LRRFIP1: variants seen among roughly 807,000 people sequenced by gnomAD.
LRRFIP1 encodes LRR binding FLII interacting protein 1.
LRRFIP1 carries 62 observed loss-of-function variants against 104.4 expected under a neutral mutation model. That is an observed-to-expected ratio of 0.59 (90% CI 0.48 to 0.73). The LOEUF is 0.73. LRRFIP1 is among the 30% of genes least tolerant of loss of function. The pLI, the probability that LRRFIP1 is intolerant of heterozygous loss-of-function variation, is 0.00. For missense variants in LRRFIP1, 796 were observed against 824.5 expected, an observed-to-expected ratio of 0.97 and a Z score of 0.42; for synonymous variants, 300 against 299.0, an observed-to-expected ratio of 1.00 and a Z score of -0.03.
intron 1 of LRRFIP1, among the ~76,000 whole-genome samples, chr2:237,630,015 C>A (rs1047141351): frequency 6.6e-6 from 1 of 152,130 alleles, no homozygotes; most frequent in Non-Finnish European, 1.5e-5. Flanking sequence ...GAAGAAGAAA[C>A]CTCCCCTGGC....
chr2:237,756,479 A>G (rs1334030456), intron 16 of LRRFIP1, among the ~76,000 whole-genome samples: 1 of 152,204 alleles, frequency 6.6e-6, no homozygotes, highest in Admixed American at 6.5e-5. Flanking sequence ...CACTAATCCT[A>G]TTTGATCAGG....
chr2:237,737,531 A>G (rs780935651), intron 10 of LRRFIP1, among the ~76,000 whole-genome samples: 1 of 152,192 alleles, frequency 6.6e-6, no homozygotes, highest in Non-Finnish European at 1.5e-5. Flanking sequence ...GCTTTTGCTT[A>G]GGGAAGCTGG....
chr2:237,667,725 G>C (rs969826964), intron 1 of LRRFIP1, among the ~76,000 whole-genome samples: 42 of 152,166 alleles, frequency 2.8e-4, no homozygotes, highest in African/African-American at 9.7e-4. Flanking sequence ...CGTTCCCTGT[G>C]TGTGGCTTTC....
rs35206141 is a variant in LRRFIP1, at chr2:237,628,435, CT to C, written c.96+706del. 5.4e-4 allele frequency among the ~76,000 whole-genome samples: 81 copies of C among 149,854 alleles called. 1 individual carries two copies. Among genetic ancestry groups the C allele is most frequent in the Admixed American group, 1.9e-3 (29 of 15,094 alleles). On this transcript the variant is annotated intron_variant, in intron 1 of 23. Transcript: ENST00000308482. The stretch of plus-strand genomic sequence containing the variant: ...CTAGAATGGGTATTTGTACAAATGC[CT>C]TTTTTTTTTTCCTTCCGCAAGGATT...
intron 2 of LRRFIP1, 63 bp from the exon 3 acceptor site, chr2:237,714,196 T>C: frequency 1.7e-6 from 2 of 1,182,186 alleles, no homozygotes; most frequent in African/African-American, 3.1e-5. Context: ...AACCTTTCAT[T>C]CTGATGTTAC....
chr2:237,720,752 C>T lies in LRRFIP1; in HGVS notation c.295-20C>T, dbSNP rs896907106. Reference sequence around the variant, plus strand: ...GTTGTATGATTCCTTCACGGTTGTTCTCGTCCTTTCTTTTAATAGGCTTCT... The same window carrying T: ...GTTGTATGATTCCTTCACGGTTGTTTTCGTCCTTTCTTTTAATAGGCTTCT... On this transcript the variant is annotated intron_variant, in intron 5 of 23. Coordinates refer to ENST00000308482, the MANE Select transcript of LRRFIP1 (RefSeq NM_001137550.2). The T allele has an allele frequency of 1.1e-5, 18 of 1,612,140 alleles. No homozygotes were observed. The highest frequency in any genetic ancestry group is 1.5e-5 in the Non-Finnish European group (18 of 1,178,370).
At position 237,718,337 on chromosome 2, in the gene LRRFIP1, G is replaced by A. The variant is rs60927217; in HGVS notation, c.249+528G>A. On this transcript the variant is annotated intron_variant, in intron 4 of 23. Transcript: ENST00000308482. ...GTTGGGTTCTCTCTTCATCTTGTCC[G>A]CTGTGCCTGCCGAAACCACTGGTCT... Among the ~76,000 whole-genome samples, 8 of 152,242 alleles carry A rather than the reference G, an allele frequency of 5.3e-5. No homozygotes were observed. The East Asian group carries it at 7.7e-4, about 15-fold the overall frequency.
rs148443859 is a variant in LRRFIP1 at position 237,769,984 on chromosome 2, T to C, written c.1501T>C (p.Leu501=). ...GCTGGTTGATGAACGGGAATGCTTA[T>C]TGGAACAGGTAACAATCTTTTTATT... ...KKLVDERECL[L]EQIKKLKGQL... The change falls in exon 20 of 24, where the codon TTG becomes CTG. Residue 501 remains leucine, a synonymous_variant. Transcript: ENST00000308482. 3 of 1,603,400 alleles carry C rather than the reference T, an allele frequency of 1.9e-6. No homozygotes were observed. Among genetic ancestry groups the C allele is most frequent in the Middle Eastern group, 1.7e-4 (1 of 6,038 alleles).
intron 1 of LRRFIP1, among the ~76,000 whole-genome samples, chr2:237,668,791 G>T (rs923404356): frequency 6.6e-6 from 1 of 152,128 alleles, no homozygotes; most frequent in African/African-American, 2.4e-5. Flanking sequence ...GTTGCTGAAA[G>T]AAAATATTTA....
chr2:237,774,630 C>T (rs1165224983), intron 23 of LRRFIP1, among the ~76,000 whole-genome samples, 168 bp downstream of exon 23: 1 of 152,256 alleles, frequency 6.6e-6, no homozygotes, highest in Non-Finnish European at 1.5e-5. Flanking sequence ...AGGCATGGCG[C>T]AGCCAGTTAG....
intron 20 of LRRFIP1, 187 bp from the exon 21 acceptor site, chr2:237,771,894 A>G: frequency 1.8e-6 from 1 of 569,028 alleles, no homozygotes; most frequent in South Asian, 2.2e-5. Context: ...CTTTTCTCTC[A>G]GAGTTACAGT....
At chr2:237,776,445 C>T (rs2150942622) in intron 23 of LRRFIP1, among the ~76,000 whole-genome samples, 1 of 152,344 alleles carries the variant, frequency 6.6e-6, no homozygotes, top group East Asian at 1.9e-4. Context: ...TATACTTCCA[C>T]TGATCAAACT....
chr2:237,701,498 G>A (rs929167010), intron 1 of LRRFIP1, among the ~76,000 whole-genome samples: 5 of 152,224 alleles, frequency 3.3e-5, no homozygotes, highest in African/African-American at 9.6e-5. Flanking sequence ...CTTGTGTCCT[G>A]GTCAATAACT....
intron 1 of LRRFIP1, among the ~76,000 whole-genome samples, chr2:237,628,182 T>A (rs929027724): frequency 2.6e-5 from 4 of 152,194 alleles, no homozygotes; most frequent in Non-Finnish European, 5.9e-5. Context: ...ATGGCCCTGC[T>A]GAAATGGCCG....
chr2:237,683,860 T>C (rs1179229353), intron 1 of LRRFIP1, among the ~76,000 whole-genome samples: 2 of 152,216 alleles, frequency 1.3e-5, no homozygotes, highest in Non-Finnish European at 2.9e-5. Flanking sequence ...GCTTTACTTT[T>C]AAGCCTTCGA....
chr2:237,696,225 T>A (rs1159203511), intron 1 of LRRFIP1, among the ~76,000 whole-genome samples: 1 of 148,256 alleles, frequency 6.7e-6, no homozygotes, highest in Non-Finnish European at 1.5e-5. Flanking sequence ...ATTTGTGTAA[T>A]GAAGATGATC....
At chr2:237,772,779 A>G (rs1342257742) in intron 21 of LRRFIP1, 87 bp from the exon 22 acceptor site, 2 of 899,974 alleles carry the variant, frequency 2.2e-6, no homozygotes, top group Admixed American at 3.8e-5. Flanking sequence ...ATGATTACAA[A>G]GTAAGGGCTT....
rs2094372098 is a variant in LRRFIP1, at chr2:237,717,280, G to C, written c.202-482G>C. Among the ~76,000 whole-genome samples the C allele has an allele frequency of 6.6e-6, 1 of 152,194 alleles. No individual in the cohort carries two copies. Among genetic ancestry groups the C allele is most frequent in the Non-Finnish European group, 1.5e-5 (1 of 68,038 alleles). On this transcript the variant is annotated intron_variant, in intron 3 of 23. Transcript: ENST00000308482. This position sits in a 1 kb window ranked among gnomAD's most constrained non-coding sequence, Gnocchi z 4.2. The stretch of plus-strand genomic sequence containing the variant: ...GGCCTAGACTCAGCATAGACATCAG[G>C]CAGCTAGAACAAGCGTCAGCACGCA...
At chr2:237,698,474 C>T (rs1460660600) in intron 1 of LRRFIP1, among the ~76,000 whole-genome samples, 2 of 152,234 alleles carry the variant, frequency 1.3e-5, no homozygotes, top group Admixed American at 6.5e-5. Flanking sequence ...GAGAAGCAGT[C>T]GGCACCCAGC....
Sources: allele counts gnomAD v4.1 joint callset (sites outside exome capture counted in the v4.1 genomes callset), GRCh38; gene constraint gnomAD v4.1.1; non-coding constraint Gnocchi (gnomAD v3.1); transcripts MANE v1.5; gene names NCBI Gene and HGNC (gene_info 2026-07-23, HGNC 2026-07-21).